The following PPP4R4 variants were observed in gnomAD, a reference collection of about 807,000 sequenced individuals.
PPP4R4 encodes protein phosphatase 4 regulatory subunit 4, also known as serine/threonine-protein phosphatase 4 regulatory subunit 4.
Under a neutral mutation model 121.8 loss-of-function variants are expected in PPP4R4, and 70 were observed. That is an observed-to-expected ratio of 0.57 (90% CI 0.47 to 0.70). The LOEUF (loss-of-function observed/expected upper bound fraction) is 0.70, where lower values mean the gene tolerates loss of function less well. Among genes scored for constraint, PPP4R4 ranks in the 30% least tolerant of loss-of-function variants. The pLI is 0.00. For missense variants in PPP4R4, 875 were observed against 1,033.6 expected (o/e 0.85, Z 2.10); for synonymous variants, 348 against 355.7 (o/e 0.98, Z 0.24).
intron 3 of PPP4R4, among the ~76,000 whole-genome samples, chr14:94,225,689 A>G (rs1891658847): frequency 6.6e-6 from 1 of 152,208 alleles, no homozygotes; most frequent in Admixed American, 6.5e-5. Context: ...AATCACTGAA[A>G]GGTAGAGATC....
At chr14:94,245,535 C>T (rs1892847804) in intron 12 of PPP4R4, 52 bp from the exon 13 acceptor site, 2 of 951,006 alleles carry the variant, frequency 2.1e-6, no homozygotes, top group Admixed American at 5.4e-5. Flanking sequence ...TAGAATTAAT[C>T]TAGCAAAAAC....
chr14:94,261,335 A>G (rs10134066), intron 19 of PPP4R4, among the ~76,000 whole-genome samples: 1,960 of 152,192 alleles, frequency 0.013, 42 homozygotes, highest in African/African-American at 0.045. Flanking sequence ...ATTATTATAA[A>G]TGGAAGTATA....
At chr14:94,197,171 G>A (rs1188353654) in intron 2 of PPP4R4, among the ~76,000 whole-genome samples, 1 of 152,054 alleles carries the variant, frequency 6.6e-6, no homozygotes, top group Non-Finnish European at 1.5e-5. Flanking sequence ...TTTGGATTCT[G>A]TTTCCCAGAA....
At chr14:94,175,712 A>G (rs1238498626) in intron 1 of PPP4R4, 1 of 280,680 alleles carries the variant, frequency 3.6e-6, no homozygotes, top group Non-Finnish European at 6.9e-6. Context: ...GCCTTGAAGT[A>G]TTAGAGATAA....
chr14:94,218,889 T>A (rs1354290774), intron 3 of PPP4R4, among the ~76,000 whole-genome samples: 2 of 151,928 alleles, frequency 1.3e-5, no homozygotes, highest in African/African-American at 4.8e-5. Flanking sequence ...CAAAAGAATA[T>A]CATATTAAAA....
rs577099284 is a variant in PPP4R4 at position 94,246,485 on chromosome 14, C to T, written c.1557C>T (p.Ser519=). The part of the protein sequence containing the change: ...KYACLPHVIS[S]DQIYYRFLQR... ...CCTGCCTGCCACATGTCATATCAAG[C>T]GATCAGATTTATTACCGTTTCTTAC... Residue 519 remains serine (S), a synonymous_variant, in exon 14 of 25, where the codon AGC becomes AGT. Coordinates refer to ENST00000304338, the MANE Select transcript of PPP4R4 (RefSeq NM_058237.2). The T allele has an allele frequency of 6.5e-5, 105 of 1,613,922 alleles. No homozygotes were observed. Among genetic ancestry groups the T allele is most frequent in the South Asian group, 5.6e-4 (51 of 91,078 alleles).
At chr14:94,197,227 T>G (rs954110308) in intron 2 of PPP4R4, among the ~76,000 whole-genome samples, 5 of 152,176 alleles carry the variant, frequency 3.3e-5, no homozygotes, top group Non-Finnish European at 7.3e-5. Flanking sequence ...TGAAAGTTCA[T>G]GGGGATAAGA....
Position 94,214,089 on chromosome 14 carries a change from T to C in PPP4R4, c.294+5523T>C, listed in dbSNP as rs1033729952. Reference sequence around the variant, plus strand: ...GGAACCTAGAATAGTGCCTGGCAGATAATAGGCACTCAAAAAAATTTTGTA... The same window carrying C: ...GGAACCTAGAATAGTGCCTGGCAGACAATAGGCACTCAAAAAAATTTTGTA... On this transcript the variant is annotated intron_variant, in intron 3 of 24. Coordinates refer to ENST00000304338, the MANE Select transcript of PPP4R4 (RefSeq NM_058237.2). Among the ~76,000 whole-genome samples the C allele has an allele frequency of 2.6e-5, 4 of 152,334 alleles. No homozygotes were observed. In the South Asian group the frequency reaches 6.2e-4, roughly 24 times the overall value.
chr14:94,250,303 G>A (rs17129523), intron 15 of PPP4R4, 26 bp downstream of exon 15: 36,332 of 1,504,218 alleles, frequency 0.024, 666 homozygotes, highest in African/African-American at 0.087. Flanking sequence ...CTACTATTTT[G>A]AAAAAGGAAA....
intron 3 of PPP4R4, among the ~76,000 whole-genome samples, chr14:94,213,770 A>C (rs898775557): frequency 1.3e-5 from 2 of 152,224 alleles, no homozygotes; most frequent in African/African-American, 4.8e-5. Context: ...TCTAGATGGA[A>C]TGTGGCCTTG....
intron 19 of PPP4R4, among the ~76,000 whole-genome samples, chr14:94,260,037 G>C (rs1246496726): frequency 1.3e-5 from 2 of 152,134 alleles, no homozygotes; most frequent in African/African-American, 2.4e-5. Context: ...AGAAGTCCTT[G>C]AGTAGACCTG....
At chr14:94,242,447 T>TA in intron 11 of PPP4R4, 39 bp downstream of exon 11, 1 of 1,558,384 alleles carries the variant, frequency 6.4e-7, no homozygotes, top group Non-Finnish European at 8.8e-7. Context: ...CGTTTGTTGT[T>TA]AATTCTACCT....
chr14:94,241,872 AC>A lies in PPP4R4; in HGVS notation c.1062del (p.His354GlnfsTer11). 1 of 1,610,396 alleles carries A rather than the reference AC, an allele frequency of 6.2e-7. No individual in the cohort carries two copies. The highest frequency in any genetic ancestry group is 8.5e-7 in the Non-Finnish European group (1 of 1,177,838). On this transcript the variant is annotated frameshift_variant, in exon 10 of 25. Coordinates refer to ENST00000304338, the MANE Select transcript of PPP4R4 (RefSeq NM_058237.2). LOFTEE classifies it high-confidence loss of function. ...CTLGLQQENG[H>X]NENQIPPQIL... ...TTGGGTTTGCAACAAGAAAATGGAC[AC>A]AATGAAAACCAGATTCCACCCCAAA...
At chr14:94,265,361 A>G (rs778950680) in intron 20 of PPP4R4, 26 bp from the exon 21 acceptor site, 2 of 1,527,826 alleles carry the variant, frequency 1.3e-6, no homozygotes, top group East Asian at 2.3e-5. Flanking sequence ...AGGAAATTAT[A>G]CAACTTAAAG....
chr14:94,267,144 A>G (rs1894093154), intron 23 of PPP4R4, 115 bp downstream of exon 23: 4 of 617,588 alleles, frequency 6.5e-6, no homozygotes, highest in Admixed American at 7.1e-5. Flanking sequence ...CTAAATCTTT[A>G]TCAGGTCCCT....
chr14:94,186,934 CTG>C (rs1193422702), intron 2 of PPP4R4, among the ~76,000 whole-genome samples: 1 of 152,120 alleles, frequency 6.6e-6, no homozygotes, highest in Non-Finnish European at 1.5e-5. Context: ...TATTTTGAAA[CTG>C]TGTGGTGAAA....
intron 2 of PPP4R4, among the ~76,000 whole-genome samples, chr14:94,203,699 G>A (rs1567113030): frequency 6.6e-6 from 1 of 151,976 alleles, no homozygotes; most frequent in African/African-American, 2.4e-5. Context: ...CAGTTTTTTT[G>A]CTTTTGGTAG....
rs1400279922 is a variant in PPP4R4, at chr14:94,242,394, A to G, written c.1252A>G (p.Ile418Val). ...PEVPVRYTIAICFYEVSKLLN... is the reference protein window; with the variant it reads ...PEVPVRYTIAVCFYEVSKLLN... ...AGTACCAGTCAGATACACTATTGCTATTTGCTTTTATGAAGTAAGTCTGAA... is the reference window on the plus strand; with the variant it reads ...AGTACCAGTCAGATACACTATTGCTGTTTGCTTTTATGAAGTAAGTCTGAA... The change falls in exon 11 of 25, where the codon ATT becomes GTT. Residue 418 changes from isoleucine to valine, a missense_variant. Physicochemically the swap from Ile to Val is conservative, Grantham distance 29. Transcript: ENST00000304338. 6.2e-7 allele frequency: 1 copy of G among 1,609,164 alleles called. No homozygotes were observed. The highest frequency in any genetic ancestry group is 1.7e-5 in the Admixed American group (1 of 59,954).
intron 3 of PPP4R4, among the ~76,000 whole-genome samples, chr14:94,228,305 C>T (rs1418765696): frequency 1.3e-5 from 2 of 152,172 alleles, no homozygotes; most frequent in South Asian, 2.1e-4. Context: ...GAATTCAGTG[C>T]ATAGGAGTGT....
Sources: gnomAD v4.1 joint callset for allele counts (sites outside exome capture counted in the v4.1 genomes callset) on GRCh38, gnomAD v4.1.1 for gene constraint, MANE v1.5 for transcripts, NCBI Gene and HGNC (gene_info 2026-07-23, HGNC 2026-07-21) for gene names.